Variants in HDAC9 observed in about 807,000 individuals in gnomAD.
The protein encoded by HDAC9 is MEF-2 interacting transcription repressor (MITR) protein.
HDAC9 carries 41 observed loss-of-function variants against 139.4 expected under a neutral mutation model. The observed-to-expected ratio is 0.29, with a 90% CI of 0.23 to 0.38. The LOEUF is 0.38. Ranked by LOEUF, HDAC9 falls within the 10% of genes least tolerant of loss-of-function variation. HDAC9 has a pLI of 1.00. For missense variants in HDAC9, 1,147 were observed against 1,297.0 expected, an observed-to-expected ratio of 0.88 and a Z score of 1.78; for synonymous variants, 517 against 476.2, an observed-to-expected ratio of 1.09 and a Z score of -1.12.
intron 1 of HDAC9, among the ~76,000 whole-genome samples, chr7:18,484,173 CAAAAAAA>C (rs1177599086): frequency 1.1e-4 from 7 of 63,248 alleles, no homozygotes; most frequent in Admixed American, 1.9e-4. Context: ...CCTTATCTCT[CAAAAAAA>C]AAAAAAAAAA....
chr7:18,670,721 T>G (rs1795619317), intron 12 of HDAC9, among the ~76,000 whole-genome samples: 1 of 152,034 alleles, frequency 6.6e-6, no homozygotes, highest in African/African-American at 2.4e-5. Context: ...GTGCAACGAT[T>G]CTTTATATCT....
intron 22 of HDAC9, among the ~76,000 whole-genome samples, chr7:18,932,299 C>T (rs183161346): frequency 5.3e-5 from 8 of 152,220 alleles, no homozygotes; most frequent in Admixed American, 3.3e-4. Flanking sequence ...TGAAATTGGA[C>T]AGGTCGGATG....
At chr7:18,186,870 T>A (rs1178333) in intron 2 of HDAC9, among the ~76,000 whole-genome samples, 74,794 of 151,990 alleles carry the variant, frequency 0.49, 19,474 homozygotes, top group African/African-American at 0.66. Flanking sequence ...TAATTGGAAG[T>A]CTTTATCTCT....
rs1037821896 is a variant in HDAC9 at position 19,001,157 on chromosome 7, T to C, written c.*5095T>C. 2.0e-5 allele frequency: 3 copies of C among 152,214 alleles called. No individual in the cohort carries two copies. The highest frequency in any genetic ancestry group is 7.2e-5 in the African/African-American group (3 of 41,464). 9.4% of individuals were successfully genotyped at this position (152,214 alleles called of 1,614,324 possible). A position where few individuals can be genotyped will look rare whatever the true frequency, so the allele number is the denominator to read the frequency against. ...TACCTAATCATGTTGTACTAGTTAT[T>C]GTGGAAAGAAAATTGTACATACATT... On this transcript the variant is annotated 3_prime_UTR_variant, in exon 26 of 26. Coordinates refer to ENST00000686413, the MANE Select transcript of HDAC9 (RefSeq NM_178425.4).
intron 22 of HDAC9, among the ~76,000 whole-genome samples, chr7:18,906,679 G>A (rs1198023827): frequency 6.6e-6 from 1 of 152,154 alleles, no homozygotes; most frequent in East Asian, 1.9e-4. Flanking sequence ...ATATACAGCA[G>A]TGACTCTGAA....
chr7:18,416,021 C>T (rs1167283418), intron 1 of HDAC9, among the ~76,000 whole-genome samples: 1 of 152,108 alleles, frequency 6.6e-6, no homozygotes, highest in Non-Finnish European at 1.5e-5. Flanking sequence ...CAGCCAGGCT[C>T]AGTGACTCAC....
At chr7:18,901,221 T>TACACAC (rs373441653) in intron 22 of HDAC9, among the ~76,000 whole-genome samples, 3 of 123,142 alleles carry the variant, frequency 2.4e-5, no homozygotes, top group African/African-American at 5.9e-5. Flanking sequence ...TATATATATA[T>TACACAC]ACACACACAC....
chr7:18,809,631 A>T (rs996425370), intron 17 of HDAC9, among the ~76,000 whole-genome samples: 4 of 151,986 alleles, frequency 2.6e-5, no homozygotes, highest in Admixed American at 2.0e-4. Context: ...AAGATACTCA[A>T]CATCGCTAAT....
intron 13 of HDAC9, among the ~76,000 whole-genome samples, chr7:18,729,451 A>G (rs577495804): frequency 6.6e-6 from 1 of 152,266 alleles, no homozygotes; most frequent in East Asian, 1.9e-4. Context: ...TTTCTGACAT[A>G]CTTCAGTGTC....
intron 1 of HDAC9, among the ~76,000 whole-genome samples, chr7:18,144,266 C>G (rs1308111465): frequency 6.6e-6 from 1 of 152,162 alleles, no homozygotes; most frequent in Non-Finnish European, 1.5e-5. Flanking sequence ...GTATTTTCTT[C>G]CCACAGTTCA....
chr7:18,670,002 C>T (rs1795570372), intron 12 of HDAC9, among the ~76,000 whole-genome samples: 1 of 148,816 alleles, frequency 6.7e-6, no homozygotes, highest in East Asian at 2.0e-4. Flanking sequence ...AGACACTAAA[C>T]CTTTTGTTGA....
At chr7:18,571,463 C>T (rs560646021) in intron 2 of HDAC9, among the ~76,000 whole-genome samples, 2 of 152,252 alleles carry the variant, frequency 1.3e-5, no homozygotes, top group South Asian at 4.1e-4. Context: ...AAAACATTTC[C>T]ACTTTTGCTG....
intron 2 of HDAC9, among the ~76,000 whole-genome samples, chr7:18,528,575 T>C (rs945246070): frequency 6.6e-6 from 1 of 152,150 alleles, no homozygotes; most frequent in African/African-American, 2.4e-5. Context: ...TAAAAATTAC[T>C]TAGCAAACTC....
intron 1 of HDAC9, among the ~76,000 whole-genome samples, chr7:18,453,077 A>G (rs1461926214): frequency 1.3e-5 from 2 of 152,106 alleles, no homozygotes; most frequent in Non-Finnish European, 2.9e-5. Context: ...TAAAGTATTC[A>G]TTGAATGAAT....
intron 2 of HDAC9, among the ~76,000 whole-genome samples, chr7:18,197,834 C>T (rs1280947249): frequency 6.6e-6 from 1 of 152,048 alleles, no homozygotes; most frequent in Non-Finnish European, 1.5e-5. Context: ...GAGACAAAGC[C>T]TTTTAAGGAA....
At chr7:18,443,794 G>C (rs996011884) in intron 1 of HDAC9, among the ~76,000 whole-genome samples, 12 of 149,840 alleles carry the variant, frequency 8.0e-5, no homozygotes, top group South Asian at 2.1e-4. Flanking sequence ...CTCCCTCTCT[G>C]TGTGTGTGTG....
intron 2 of HDAC9, among the ~76,000 whole-genome samples, chr7:18,270,122 C>A (rs547553727): frequency 2.0e-5 from 3 of 152,152 alleles, no homozygotes; most frequent in Admixed American, 6.5e-5. Context: ...TGCTAGATGT[C>A]CCCCTGGGTT....
chr7:18,580,516 T>G (rs192288005), intron 2 of HDAC9, among the ~76,000 whole-genome samples: 2 of 152,208 alleles, frequency 1.3e-5, no homozygotes, highest in Admixed American at 6.5e-5. Flanking sequence ...ACAAGCAAGA[T>G]GAGTCCAAAT....
intron 17 of HDAC9, among the ~76,000 whole-genome samples, chr7:18,827,956 T>C (rs544013188): frequency 4.9e-4 from 74 of 152,282 alleles, no homozygotes; most frequent in South Asian, 1.4e-3. Flanking sequence ...CGATAGTAAG[T>C]GTCTTAAGAA....
Sources: gnomAD v4.1 joint callset for allele counts (sites outside exome capture counted in the v4.1 genomes callset) on GRCh38, gnomAD v4.1.1 for gene constraint, MANE v1.5 for transcripts, NCBI Gene and HGNC (gene_info 2026-07-23, HGNC 2026-07-21) for gene names.